FANCC: variants seen among roughly 807,000 people sequenced by gnomAD.
FANCC encodes FA complementation group C.
Under a neutral mutation model 71.3 loss-of-function variants are expected in FANCC, and 55 were observed. That is an observed-to-expected ratio of 0.77 (90% CI 0.62 to 0.97). The LOEUF (loss-of-function observed/expected upper bound fraction) is 0.97, where lower values mean the gene tolerates loss of function less well. Among genes scored for constraint, FANCC ranks in the 50% least tolerant of loss-of-function variants. The probability of loss-of-function intolerance (pLI) is 0.00; values close to 1 mark genes in which losing one functional copy is unlikely to be tolerated. For missense variants in FANCC, 678 were observed against 670.9 expected (o/e 1.01, Z -0.12); for synonymous variants, 275 against 244.9 (o/e 1.12, Z -1.15).
In FANCC at chr9:95,103,062, C is replaced by A. The variant is rs1564636662; in HGVS notation, c.1534-1212G>T. 2.0e-5 allele frequency among the ~76,000 whole-genome samples: 3 copies of A among 152,248 alleles called. No individual in the cohort carries two copies. In the South Asian group the frequency reaches 6.2e-4, roughly 32 times the overall value. ...TGCTGATGGCCTTCGGTAGATGCAG[C>A]CTGTCCTTCATCAAGGAAACAATGT... is the stretch of plus-strand genomic sequence containing the variant. On this transcript the variant is annotated intron_variant, in intron 14 of 14. Transcript: ENST00000289081.
At chr9:95,171,246 C>A in intron 5 of FANCC, 103 bp from the exon 6 acceptor site, 2 of 830,136 alleles carry the variant, frequency 2.4e-6, no homozygotes, top group Non-Finnish European at 4.1e-6. Context: ...ATTCCCCCAA[C>A]CCCCATCTTC....
At chr9:95,287,927 C>CT (rs1316758290) in intron 1 of FANCC, among the ~76,000 whole-genome samples, 2 of 151,822 alleles carry the variant, frequency 1.3e-5, no homozygotes, top group Non-Finnish European at 2.9e-5. Flanking sequence ...TTGGTATGGA[C>CT]TTTTTTTTAC....
intron 4 of FANCC, among the ~76,000 whole-genome samples, chr9:95,210,909 C>T (rs1294889545): frequency 1.3e-5 from 2 of 152,010 alleles, no homozygotes; most frequent in Non-Finnish European, 2.9e-5. Context: ...ATCTTTGTAA[C>T]CTGAAAAATG....
chr9:95,291,987 TA>T (rs1834047179), intron 1 of FANCC, among the ~76,000 whole-genome samples: 1 of 132,988 alleles, frequency 7.5e-6, no homozygotes, highest in Non-Finnish European at 1.6e-5. Context: ...TATATATATA[TA>T]TATATTAAGA....
At chr9:95,204,278 G>A (rs934589833) in intron 4 of FANCC, among the ~76,000 whole-genome samples, 3 of 152,092 alleles carry the variant, frequency 2.0e-5, no homozygotes, top group Admixed American at 6.5e-5. Context: ...TCTATTATAT[G>A]GCTATATATC....
chr9:95,202,212 A>G (rs1194048462), intron 4 of FANCC, among the ~76,000 whole-genome samples: 1 of 152,246 alleles, frequency 6.6e-6, no homozygotes, highest in African/African-American at 2.4e-5. Flanking sequence ...GGAAGGCTCC[A>G]GGGGTGCTGC....
intron 6 of FANCC, among the ~76,000 whole-genome samples, chr9:95,167,551 G>C (rs941077220): frequency 4.6e-5 from 7 of 151,906 alleles, no homozygotes; most frequent in African/African-American, 1.7e-4. Flanking sequence ...TTGTGTTTAA[G>C]TTTTCTGACC....
chr9:95,238,432 C>G (rs985206462), intron 4 of FANCC, among the ~76,000 whole-genome samples: 2 of 152,120 alleles, frequency 1.3e-5, no homozygotes, highest in African/African-American at 4.8e-5. Context: ...TTGAGGCCCT[C>G]GCAATTTCTC....
At chr9:95,296,848 A>C (rs1409437408) in intron 1 of FANCC, among the ~76,000 whole-genome samples, 1 of 152,258 alleles carries the variant, frequency 6.6e-6, no homozygotes, top group African/African-American at 2.4e-5. Flanking sequence ...AAAATTTTCA[A>C]AATTGTAATG....
chr9:95,160,971 T>C (rs1265827547), intron 6 of FANCC, among the ~76,000 whole-genome samples: 3 of 152,086 alleles, frequency 2.0e-5, no homozygotes, highest in Non-Finnish European at 4.4e-5. Context: ...ATGTCAATGA[T>C]GGAAGAGTTT....
intron 6 of FANCC, among the ~76,000 whole-genome samples, chr9:95,154,426 T>C (rs1830346613): frequency 6.6e-6 from 1 of 152,036 alleles, no homozygotes; most frequent in African/African-American, 2.4e-5. Context: ...CAGGACTGTT[T>C]GTAAAAGGTA....
At chr9:95,286,493 A>T (rs1343362247) in intron 1 of FANCC, among the ~76,000 whole-genome samples, 1 of 152,240 alleles carries the variant, frequency 6.6e-6, no homozygotes, top group Non-Finnish European at 1.5e-5. Flanking sequence ...TTTACCTAAA[A>T]ACACCTACTA....
chr9:95,120,581 T>G (rs932958352), intron 10 of FANCC, among the ~76,000 whole-genome samples: 1 of 151,842 alleles, frequency 6.6e-6, no homozygotes, highest in Non-Finnish European at 1.5e-5. Context: ...GCCCAGCTAA[T>G]TTTTTATTTA....
In FANCC at chr9:95,107,065, C is replaced by G. The variant is rs753885687; in HGVS notation, c.1533+1G>C. On this transcript the variant is annotated splice_donor_variant, in intron 14 of 14. Coordinates refer to ENST00000289081, the MANE Select transcript of FANCC (RefSeq NM_000136.3). LOFTEE classifies it high-confidence loss of function. Reference sequence around the variant, plus strand: ...GGATGCTGGACCACAGGGAGACTTACCAGGGTGATGACATCCCAGGCGATC... The same window carrying G: ...GGATGCTGGACCACAGGGAGACTTAGCAGGGTGATGACATCCCAGGCGATC... 3.1e-6 allele frequency: 5 copies of G among 1,614,142 alleles called. No individual in the cohort carries two copies. In the South Asian group the frequency reaches 5.5e-5, roughly 18 times the overall value.
intron 1 of FANCC, chr9:95,292,603 G>GCTGCCGC (rs1299511272): frequency 1.4e-6 from 2 of 1,462,196 alleles, no homozygotes; most frequent in African/African-American, 2.8e-5. Context: ...ACCGTGCGCG[G>GCTGCCGC]CTGCCGCAAG....
chr9:95,138,744 G>C (rs1190470103), intron 7 of FANCC, among the ~76,000 whole-genome samples: 3 of 152,154 alleles, frequency 2.0e-5, no homozygotes, highest in Non-Finnish European at 4.4e-5. Context: ...CAGCACTCAG[G>C]CCAGGCCGCC....
intron 4 of FANCC, among the ~76,000 whole-genome samples, chr9:95,211,565 G>A (rs1828500801): frequency 6.6e-6 from 1 of 152,124 alleles, no homozygotes; most frequent in Admixed American, 6.5e-5. Flanking sequence ...AGCTTGGAAA[G>A]GATAGACCTA....
At chr9:95,182,676 G>A (rs548387067) in intron 4 of FANCC, among the ~76,000 whole-genome samples, 10 of 152,236 alleles carry the variant, frequency 6.6e-5, no homozygotes, top group African/African-American at 1.9e-4. Flanking sequence ...GCCATCACGT[G>A]AGCCAGCTTG....
intron 1 of FANCC, among the ~76,000 whole-genome samples, chr9:95,289,084 A>C (rs1291604733): frequency 6.6e-6 from 1 of 152,204 alleles, no homozygotes; most frequent in South Asian, 2.1e-4. Flanking sequence ...CCTAGACAAA[A>C]GAGCAAGACC....
Sources: gnomAD v4.1 joint callset for allele counts (sites outside exome capture counted in the v4.1 genomes callset) on GRCh38, gnomAD v4.1.1 for gene constraint, MANE v1.5 for transcripts, NCBI Gene and HGNC (gene_info 2026-07-23, HGNC 2026-07-21) for gene names.